The following CRHR1 variants were observed in gnomAD, a reference collection of about 807,000 sequenced individuals.
CRHR1 encodes the protein corticotropin-releasing hormone receptor 1.
In CRHR1, 28 loss-of-function variants were observed where a neutral mutation model predicts 56.0. The observed-to-expected ratio is 0.50, with a 90% CI of 0.37 to 0.69. The LOEUF is 0.69. Among genes scored for constraint, CRHR1 ranks in the 30% least tolerant of loss-of-function variants. CRHR1 has a pLI of 0.00. For missense variants in CRHR1, 376 were observed against 548.0 expected (o/e 0.69, Z 3.13); for synonymous variants, 195 against 216.5 (o/e 0.90, Z 0.87).
intron 3 of CRHR1, among the ~76,000 whole-genome samples, chr17:45,817,123 G>T (rs1317695038): frequency 1.3e-5 from 2 of 152,204 alleles, no homozygotes; most frequent in African/African-American, 4.8e-5. Flanking sequence ...AGTGGGGCAG[G>T]ACGGGGTTGA....
At chr17:45,797,028 C>T (rs1319484002) in intron 1 of CRHR1, among the ~76,000 whole-genome samples, 2 of 152,240 alleles carry the variant, frequency 1.3e-5, no homozygotes, top group African/African-American at 4.8e-5. Context: ...CCCCCTGCCC[C>T]CATGCTTAGC....
intron 2 of CRHR1, among the ~76,000 whole-genome samples, chr17:45,813,804 G>A (rs1434679157): frequency 1.3e-5 from 2 of 152,264 alleles, no homozygotes; most frequent in Non-Finnish European, 2.9e-5. Flanking sequence ...TAGCACCCAT[G>A]GTGGCATAGT....
chr17:45,789,385 T>G (rs547270337), intron 1 of CRHR1, among the ~76,000 whole-genome samples: 1 of 152,152 alleles, frequency 6.6e-6, no homozygotes, highest in East Asian at 1.9e-4. Flanking sequence ...TTTTTTTTTT[T>G]TTTGGAGACA....
chr17:45,804,579 G>T (rs1026114018), intron 1 of CRHR1, among the ~76,000 whole-genome samples: 1 of 152,026 alleles, frequency 6.6e-6, no homozygotes, highest in Non-Finnish European at 1.5e-5. Context: ...GAACATTCCC[G>T]GCAGGTGAAC....
At chr17:45,833,103 T>G (rs1442624055) in intron 8 of CRHR1, 35 bp from the exon 9 acceptor site, 6 of 1,579,370 alleles carry the variant, frequency 3.8e-6, no homozygotes. Flanking sequence ...TGGACGCAGA[T>G]GACCCTTCCT....
chr17:45,823,012 C>T (rs189920370), intron 4 of CRHR1, among the ~76,000 whole-genome samples: 3 of 143,390 alleles, frequency 2.1e-5, no homozygotes, highest in Admixed American at 7.0e-5. Context: ...AGCATGGTGG[C>T]GCATCCCTGT....
In CRHR1 at chr17:45,833,500, C is replaced by T; in HGVS notation, c.892C>T (p.Leu298Phe). 1 of 1,614,052 alleles carries T rather than the reference C, an allele frequency of 6.2e-7. No individual in the cohort carries two copies. Among genetic ancestry groups the T allele is most frequent in the Non-Finnish European group, 8.5e-7 (1 of 1,180,012 alleles). The change falls in exon 10 of 13, where the codon CTC becomes TTC. Residue 298 changes from leucine (L) to phenylalanine (F), a missense_variant. Around this residue, in one of 2 missense-constraint regions of CRHR1, gnomAD observed 369 missense variants for 519.5 expected, o/e 0.71. Transcript: ENST00000314537. ...FNIVRILMTK[L>F]RASTTSETIQ... ...CATCGTCCGCATCCTCATGACCAAG[C>T]TCCGGGCATCCACCACGTCTGAGAC...
At chr17:45,788,230 G>C (rs185702835) in intron 1 of CRHR1, among the ~76,000 whole-genome samples, 240 of 152,288 alleles carry the variant, frequency 1.6e-3, no homozygotes, top group African/African-American at 4.9e-3. Context: ...CATCAGCCTG[G>C]GAGTCAGTGA....
chr17:45,791,910 C>CT, intron 1 of CRHR1, among the ~76,000 whole-genome samples: 1 of 150,868 alleles, frequency 6.6e-6, no homozygotes, highest in East Asian at 2.0e-4. Flanking sequence ...GAGTGAGCTA[C>CT]TTTGCAGTGT....
In CRHR1 at chr17:45,833,541, A is replaced by G. The variant is rs751568123; in HGVS notation, c.929+4A>G. ...CGTCTGAGACCATTCAGTACAGGTA[A>G]CCGGGTACCACCTTCCTCAGGCCTC... On this transcript the variant is annotated splice_donor_region_variant and intron_variant, in intron 10 of 12. Coordinates refer to ENST00000314537, the MANE Select transcript of CRHR1 (RefSeq NM_004382.5). The G allele has an allele frequency of 8.1e-6, 13 of 1,613,460 alleles. No homozygotes were observed. The highest frequency in any genetic ancestry group is 1.1e-5 in the Non-Finnish European group (13 of 1,179,718).
chr17:45,815,038 T>C (rs899402833), intron 2 of CRHR1, among the ~76,000 whole-genome samples: 8 of 152,244 alleles, frequency 5.3e-5, no homozygotes, highest in Non-Finnish European at 7.3e-5. Flanking sequence ...TTTAACCCAG[T>C]GCTGTTTCCT....
At chr17:45,806,889 C>T in intron 1 of CRHR1, 121 bp from the exon 2 acceptor site, 1 of 747,644 alleles carries the variant, frequency 1.3e-6, no homozygotes, top group Non-Finnish European at 2.2e-6. Flanking sequence ...GGATGTGTGA[C>T]AGGGTGGGAG....
intron 1 of CRHR1, among the ~76,000 whole-genome samples, chr17:45,806,583 G>A (rs569235934): frequency 1.4e-4 from 22 of 152,292 alleles, no homozygotes; most frequent in Admixed American, 7.2e-4. Context: ...GGATGTCAGC[G>A]GCCATGGTGG....
intron 5 of CRHR1, 47 bp from the exon 6 acceptor site, chr17:45,830,047 C>G (rs1307769004): frequency 1.2e-6 from 2 of 1,611,858 alleles, no homozygotes; most frequent in Non-Finnish European, 1.7e-6. Context: ...TACCCCTCAT[C>G]CTCTCTCTCC....
At chr17:45,805,378 T>C (rs1385787335) in intron 1 of CRHR1, among the ~76,000 whole-genome samples, 1 of 152,166 alleles carries the variant, frequency 6.6e-6, no homozygotes, top group Non-Finnish European at 1.5e-5. Context: ...CTGCCTGGGC[T>C]GGCCACCGAC....
rs1438345784 is a variant in CRHR1 at position 45,784,571 on chromosome 17, C to A, written c.27C>A (p.Leu9=). The change falls in exon 1 of 13, where the codon CTC becomes CTA. Residue 9 remains leucine, a synonymous_variant. Coordinates refer to ENST00000314537, the MANE Select transcript of CRHR1 (RefSeq NM_004382.5). This position sits in a 1 kb window ranked among gnomAD's most constrained non-coding sequence, Gnocchi z 4.2. MGGHPQLR[L]VKALLLLGLN... ...TGGGAGGGCACCCGCAGCTCCGTCT[C>A]GTCAAGGTAACAGCCCGCCGGCCAT... The A allele has an allele frequency of 6.4e-7, 1 of 1,553,612 alleles. No individual in the cohort carries two copies. The highest frequency in any genetic ancestry group is 8.7e-7 in the Non-Finnish European group (1 of 1,149,914).
At chr17:45,828,563 A>G (rs1368276293) in intron 4 of CRHR1, among the ~76,000 whole-genome samples, 2 of 152,224 alleles carry the variant, frequency 1.3e-5, no homozygotes, top group African/African-American at 4.8e-5. Context: ...GGAATGTGTT[A>G]CAGTCCTGGG....
intron 1 of CRHR1, among the ~76,000 whole-genome samples, chr17:45,791,104 G>C (rs1407476213): frequency 6.6e-6 from 1 of 152,138 alleles, no homozygotes; most frequent in East Asian, 1.9e-4. Flanking sequence ...TCTTTGGCAA[G>C]GTGTGTGAAG....
rs2061293004 is a variant in CRHR1, at chr17:45,784,523, CG to C, written c.-20del. Reference sequence around the variant, plus strand: ...GTCCGTAGGACCCGGGCATTCAGGACGGTAGCCGAGCGAGCCCGAGGATGGG... The same window carrying C: ...GTCCGTAGGACCCGGGCATTCAGGACGTAGCCGAGCGAGCCCGAGGATGGG... On this transcript the variant is annotated 5_prime_UTR_variant, in exon 1 of 13. It removes the in-frame stop codon of an upstream open reading frame in the 5' UTR. Coordinates refer to ENST00000314537, the MANE Select transcript of CRHR1 (RefSeq NM_004382.5). This position sits in a 1 kb window ranked among gnomAD's most constrained non-coding sequence, Gnocchi z 4.2. 2.6e-6 allele frequency: 4 copies of C among 1,543,818 alleles called. No individual in the cohort carries two copies. In the East Asian group the frequency reaches 1.0e-4, roughly 39 times the overall value.
Sources: gnomAD v4.1 joint callset for allele counts (sites outside exome capture counted in the v4.1 genomes callset) on GRCh38, gnomAD v4.1.1 for gene constraint, gnomAD v4.1.1 regional missense constraint, Gnocchi (gnomAD v3.1) non-coding constraint, MANE v1.5 for transcripts, NCBI Gene and HGNC (gene_info 2026-07-23, HGNC 2026-07-21) for gene names.